RCC1: variants seen among roughly 807,000 people sequenced by gnomAD.
The protein encoded by RCC1 is regulator of chromosome condensation.
RCC1 carries 11 observed loss-of-function variants against 44.4 expected under a neutral mutation model. The observed-to-expected ratio is 0.25, with a 90% CI of 0.16 to 0.41. The LOEUF (loss-of-function observed/expected upper bound fraction) is 0.41, where lower values mean the gene tolerates loss of function less well. Ranked by LOEUF, RCC1 falls within the 10% of genes least tolerant of loss-of-function variation. The pLI is 1.00. For synonymous variants in RCC1, 213 were observed against 216.5 expected, an observed-to-expected ratio of 0.98 and a Z score of 0.14; for missense variants, 386 against 547.1, an observed-to-expected ratio of 0.71 and a Z score of 2.94.
At position 28,535,881 on chromosome 1, in the gene RCC1, G is replaced by C. The variant is rs759568126; in HGVS notation, c.672G>C (p.Leu224=). The change falls in exon 10 of 13, where the codon CTG becomes CTC. Residue 224 remains leucine (L), a synonymous_variant. Coordinates refer to ENST00000683442, the MANE Select transcript of RCC1 (RefSeq NM_001381865.2). ...TCCCTTTGCCTGCAGAACGACTCCTGGTCCCCAAGTGTGTGATGCTGAAAT... is the reference window on the plus strand; with the variant it reads ...TCCCTTTGCCTGCAGAACGACTCCTCGTCCCCAAGTGTGTGATGCTGAAAT... ...RGGRQGLERL[L]VPKCVMLKSR... is the part of the protein sequence containing the mutation. 6.2e-7 allele frequency: 1 copy of C among 1,613,018 alleles called. No individual in the cohort carries two copies. The highest frequency in any genetic ancestry group is 1.1e-5 in the South Asian group (1 of 90,994).
chr1:28,509,588 A>G (rs944496196), intron 3 of RCC1: 3 of 152,304 alleles, frequency 2.0e-5, no homozygotes, highest in African/African-American at 7.2e-5. Flanking sequence ...CAAATTGCCT[A>G]ATCTGCTATG....
intron 4 of RCC1, 40 bp from the exon 5 acceptor site, chr1:28,529,818 G>A (rs773841319): frequency 6.6e-7 from 1 of 1,505,268 alleles, no homozygotes; most frequent in African/African-American, 1.4e-5. Flanking sequence ...CCAGGAAAAT[G>A]TTTGCCATTT....
At chr1:28,512,644 T>C (rs1035342836) in intron 3 of RCC1, among the ~76,000 whole-genome samples, 3 of 152,182 alleles carry the variant, frequency 2.0e-5, no homozygotes, top group Non-Finnish European at 4.4e-5. Flanking sequence ...TGCTATAAAT[T>C]TCCTCCAGAT....
Position 28,538,184 on chromosome 1 carries a change from T to G in RCC1, c.*177T>G. On this transcript the variant is annotated 3_prime_UTR_variant, in exon 13 of 13. Transcript: ENST00000683442. ...CTCTTTTCCTTCCTCCTCTTTGGAATTTTCCTGGGACCTACAGAATAAAGG... is the reference window on the plus strand; with the variant it reads ...CTCTTTTCCTTCCTCCTCTTTGGAAGTTTCCTGGGACCTACAGAATAAAGG... The G allele has an allele frequency of 1.9e-6, 1 of 520,038 alleles. No homozygotes were observed. The allele number at this position is 520,038 out of a possible 1,614,324, so 32.2% of individuals were successfully genotyped here.
At chr1:28,515,665 C>T (rs942171227) in intron 3 of RCC1, among the ~76,000 whole-genome samples, 1 of 150,166 alleles carries the variant, frequency 6.7e-6, no homozygotes, top group Admixed American at 6.6e-5. Context: ...TGCAGTGAGC[C>T]GAGATTGCAC....
In RCC1 at chr1:28,511,517, C is replaced by T. The variant is rs543980981; in HGVS notation, c.-153+2612C>T. Among the ~76,000 whole-genome samples, 22 of 151,682 alleles carry T rather than the reference C, an allele frequency of 1.5e-4. No homozygotes were observed. In the East Asian group the frequency reaches 1.6e-3, roughly 11 times the overall value. ...CCCAGCAGCTGGGACTACAGGTGCA[C>T]GCCGCCACACCCGGCTAATTTTTTT... On this transcript the variant is annotated intron_variant, in intron 3 of 12. Coordinates refer to ENST00000683442, the MANE Select transcript of RCC1 (RefSeq NM_001381865.2).
At position 28,535,909 on chromosome 1, in the gene RCC1, A is replaced by G. The variant is rs750151182; in HGVS notation, c.700A>G (p.Arg234Gly). 1.2e-5 allele frequency: 19 copies of G among 1,614,078 alleles called. No individual in the cohort carries two copies. The highest frequency in any genetic ancestry group is 1.5e-5 in the Non-Finnish European group (18 of 1,179,966). The change falls in exon 10 of 13, where the codon AGG (arginine) becomes GGG (glycine). Residue 234 changes from arginine (R) to glycine (G), a missense_variant. Arg to Gly is a moderately radical substitution (Grantham distance 125). Transcript: ENST00000683442. Reference sequence around the variant, plus strand: ...CCCCAAGTGTGTGATGCTGAAATCCAGGGGAAGCCGGGGCCACGTGAGATT... The same window carrying G: ...CCCCAAGTGTGTGATGCTGAAATCCGGGGGAAGCCGGGGCCACGTGAGATT... ...LVPKCVMLKS[R>G]GSRGHVRFQD...
chr1:28,537,292 A>G (rs1193098140), intron 12 of RCC1, among the ~76,000 whole-genome samples: 1 of 152,130 alleles, frequency 6.6e-6, no homozygotes, highest in Non-Finnish European at 1.5e-5. Flanking sequence ...AATCAAGAAA[A>G]AAAAAGGCTT....
chr1:28,509,604 G>GT (rs1354193833), intron 3 of RCC1: 2 of 152,174 alleles, frequency 1.3e-5, no homozygotes, highest in African/African-American at 2.4e-5. Context: ...CTATGTTAAT[G>GT]TATTTATGAA....
chr1:28,526,834 T>G (rs2124642288), intron 4 of RCC1: 1 of 586,224 alleles, frequency 1.7e-6, no homozygotes, highest in Non-Finnish European at 3.1e-6. Flanking sequence ...GAGGGGGAGG[T>G]TGCAGTGAGC....
rs777052912 is a variant in RCC1, at chr1:28,538,027, G to A, written c.*20G>A. The A allele has an allele frequency of 3.7e-6, 6 of 1,606,040 alleles. No individual in the cohort carries two copies. In the African/African-American group the frequency reaches 6.7e-5, roughly 18 times the overall value. On this transcript the variant is annotated 3_prime_UTR_variant, in exon 13 of 13. Transcript: ENST00000683442. ...AGCTGATGAAGCCTCTGAGGGCCTGGCTTCTGTCCTGCACAACCTCCCTCA... is the reference window on the plus strand; with the variant it reads ...AGCTGATGAAGCCTCTGAGGGCCTGACTTCTGTCCTGCACAACCTCCCTCA...
intron 7 of RCC1, among the ~76,000 whole-genome samples, chr1:28,534,556 T>C (rs1664424000): frequency 6.6e-6 from 1 of 152,172 alleles, no homozygotes; most frequent in Non-Finnish European, 1.5e-5. Flanking sequence ...CTTAGCTCAT[T>C]ACAGCCTCAA....
chr1:28,535,891 T>A lies in RCC1; in HGVS notation c.682T>A (p.Cys228Ser). 6.2e-7 allele frequency: 1 copy of A among 1,613,820 alleles called. No homozygotes were observed. The highest frequency in any genetic ancestry group is 8.5e-7 in the Non-Finnish European group (1 of 1,179,804). The change falls in exon 10 of 13, where the codon TGT (cysteine) becomes AGT (serine). Residue 228 changes from cysteine (C) to serine (S), a missense_variant. Coordinates refer to ENST00000683442, the MANE Select transcript of RCC1 (RefSeq NM_001381865.2). ...TGCAGAACGACTCCTGGTCCCCAAG[T>A]GTGTGATGCTGAAATCCAGGGGAAG... Reference protein sequence around the residue: ...QGLERLLVPKCVMLKSRGSRG... With the variant: ...QGLERLLVPKSVMLKSRGSRG...
chr1:28,507,331 T>C (rs773140136), intron 1 of RCC1: 19 of 516,086 alleles, frequency 3.7e-5, no homozygotes, highest in African/African-American at 3.3e-4. Context: ...TTGTTTCCTA[T>C]TGGATTCTGT....
chr1:28,535,221 C>G (rs1010262467), intron 8 of RCC1, 37 bp from the exon 9 acceptor site: 2 of 1,614,160 alleles, frequency 1.2e-6, no homozygotes, highest in Admixed American at 1.7e-5. Flanking sequence ...TTGGGCCTTA[C>G]AGTTGTGGCC....
At chr1:28,530,528 AG>A in intron 5 of RCC1, 1 of 1,603,312 alleles carries the variant, frequency 6.2e-7, no homozygotes. Context: ...TGCAGACACG[AG>A]GGCCGCTGCC....
Position 28,532,299 on chromosome 1 carries a change from C to T in RCC1, c.390C>T (p.His130=), listed in dbSNP as rs1235958835. The T allele has an allele frequency of 6.2e-7, 1 of 1,614,020 alleles. No homozygotes were observed. The highest frequency in any genetic ancestry group is 8.5e-7 in the Non-Finnish European group (1 of 1,180,040). The change falls in exon 7 of 13, where the codon CAC becomes CAT. Residue 130 remains histidine (H), a synonymous_variant. Transcript: ENST00000683442. ...TACAGGTGTCAGCAGGAGACAGTCA[C>T]ACAGCAGCCCTCACCGATGATGGCC... ...KVVQVSAGDS[H]TAALTDDGRV... is the part of the protein sequence containing the mutation.
chr1:28,512,043 C>G (rs545814058), intron 3 of RCC1, among the ~76,000 whole-genome samples: 2 of 144,474 alleles, frequency 1.4e-5, no homozygotes, highest in South Asian at 4.5e-4. Flanking sequence ...GGCGTGATCT[C>G]AGCTCACTGC....
At chr1:28,515,289 CAAAA>C (rs985686842) in intron 3 of RCC1, among the ~76,000 whole-genome samples, 1 of 146,196 alleles carries the variant, frequency 6.8e-6, no homozygotes, top group Admixed American at 6.9e-5. Flanking sequence ...GACTCCGTCT[CAAAA>C]AAAAAAATTA....
Sources: allele counts gnomAD v4.1 joint callset (sites outside exome capture counted in the v4.1 genomes callset), GRCh38; gene constraint gnomAD v4.1.1; transcripts MANE v1.5; gene names NCBI Gene and HGNC (gene_info 2026-07-23, HGNC 2026-07-21).